Variants in ACACA observed in about 807,000 individuals in gnomAD.
ACACA encodes acetyl-CoA carboxylase 1.
Under a neutral mutation model 296.1 loss-of-function variants are expected in ACACA, and 103 were observed. The ratio of observed to expected loss-of-function variants is 0.35; its 90% CI spans 0.30 to 0.41. The LOEUF (loss-of-function observed/expected upper bound fraction) is 0.41, where lower values mean the gene tolerates loss of function less well. Among genes scored for constraint, ACACA ranks in the 10% least tolerant of loss-of-function variants. The probability of loss-of-function intolerance (pLI) is 1.00; values close to 1 mark genes in which losing one functional copy is unlikely to be tolerated. For synonymous variants in ACACA, 953 were observed against 1,038.6 expected, an observed-to-expected ratio of 0.92 and a Z score of 1.58; for missense variants, 1,554 against 2,989.7, an observed-to-expected ratio of 0.52 and a Z score of 11.20.
intron 45 of ACACA, among the ~76,000 whole-genome samples, chr17:37,139,768 C>A (rs1269485559): frequency 1.3e-5 from 2 of 152,180 alleles, no homozygotes; most frequent in African/African-American, 4.8e-5. Flanking sequence ...TCTCTTGTTT[C>A]TTCTACTTAT....
intron 9 of ACACA, 86 bp from the exon 10 acceptor site, chr17:37,270,947 G>T: frequency 1.1e-6 from 1 of 917,868 alleles, no homozygotes; most frequent in Non-Finnish European, 1.8e-6. Context: ...CTTTAAGAAT[G>T]CAGTCATTTA....
chr17:37,319,583 C>G (rs2047249386), intron 3 of ACACA, among the ~76,000 whole-genome samples: 1 of 151,930 alleles, frequency 6.6e-6, no homozygotes, highest in Non-Finnish European at 1.5e-5. Flanking sequence ...AGCACTTTGA[C>G]AGGTCAAAGT....
intron 16 of ACACA, among the ~76,000 whole-genome samples, chr17:37,251,159 T>C (rs1056044090): frequency 6.6e-6 from 1 of 152,200 alleles, no homozygotes; most frequent in East Asian, 1.9e-4. Context: ...TTAACTAGGT[T>C]ACAGATTATA....
At chr17:37,284,775 A>G in intron 4 of ACACA, 63 bp downstream of exon 4, 1 of 1,608,836 alleles carries the variant, frequency 6.2e-7, no homozygotes, top group East Asian at 2.2e-5. Flanking sequence ...CTAGACAACA[A>G]ATCTAGGCAA....
At chr17:37,163,562 G>A (rs183003298) in intron 41 of ACACA, among the ~76,000 whole-genome samples, 155 of 152,270 alleles carry the variant, frequency 1.0e-3, no homozygotes, top group African/African-American at 3.6e-3. Context: ...CTCACGGACT[G>A]TACACTTTTC....
intron 50 of ACACA, among the ~76,000 whole-genome samples, chr17:37,119,589 AACACACACACACACACACAC>A (rs71368443): frequency 0.029 from 3,764 of 128,452 alleles, 167 homozygotes; most frequent in African/African-American, 0.1. Context: ...TTTTCAACCA[AACACACACACACACACACAC>A]ACACACACAC....
chr17:37,277,961 G>A lies in ACACA; in HGVS notation c.655C>T (p.Pro219Ser). 2 of 1,613,948 alleles carry A rather than the reference G, an allele frequency of 1.2e-6. No individual in the cohort carries two copies. Among genetic ancestry groups the A allele is most frequent in the Non-Finnish European group, 1.7e-6 (2 of 1,179,906 alleles). Residue 219 changes from proline (P) to serine (S), a missense_variant, in exon 6 of 56, where the codon CCA becomes TCA. Pro to Ser is a moderately conservative substitution (Grantham distance 74). Around this residue, in one of 16 missense-constraint regions of ACACA, gnomAD observed 29 missense variants for 90.3 expected, o/e 0.32. Coordinates refer to ENST00000616317, the MANE Select transcript of ACACA (RefSeq NM_198834.3). Reference protein sequence around the residue: ...ADHYVPVPGGPNNNNYANVEL... With the variant: ...ADHYVPVPGGSNNNNYANVEL... Reference sequence around the variant, plus strand: ...ACATTTGCATAGTTGTTGTTGTTTGGTCCTCCAGGCACTGGCACATAGTGA... The same window carrying A: ...ACATTTGCATAGTTGTTGTTGTTTGATCCTCCAGGCACTGGCACATAGTGA...
At chr17:37,331,644 G>A (rs949965158) in intron 2 of ACACA, among the ~76,000 whole-genome samples, 1 of 151,736 alleles carries the variant, frequency 6.6e-6, no homozygotes, top group Non-Finnish European at 1.5e-5. Flanking sequence ...CTGATCTCAT[G>A]ATCCACCCAC....
At chr17:37,185,416 T>TC (rs2077493582) in intron 39 of ACACA, among the ~76,000 whole-genome samples, 4 of 140,474 alleles carry the variant, frequency 2.8e-5, no homozygotes, top group Non-Finnish European at 4.6e-5. Flanking sequence ...TTTTTTTTTT[T>TC]TTTTTTTTTT....
chr17:37,332,637 G>T (rs115493249), intron 2 of ACACA, among the ~76,000 whole-genome samples: 1 of 150,836 alleles, frequency 6.6e-6, no homozygotes, highest in African/African-American at 2.4e-5. Flanking sequence ...TTGGCCGGAC[G>T]CGGTGGCTCA....
chr17:37,210,564 A>T, intron 29 of ACACA, 74 bp from the exon 30 acceptor site: 1 of 1,432,004 alleles, frequency 7.0e-7, no homozygotes, highest in Admixed American at 1.7e-5. Flanking sequence ...CAGAGCAGAT[A>T]TAGACCAGTC....
intron 3 of ACACA, among the ~76,000 whole-genome samples, chr17:37,287,506 C>T (rs2542667): frequency 0.13 from 19,505 of 146,030 alleles, 1,909 homozygotes; most frequent in East Asian, 0.46. Context: ...CCAAGGCAGG[C>T]GGATCACTTG....
chr17:37,397,989 G>T (rs1401585957), intron 1 of ACACA, among the ~76,000 whole-genome samples: 1 of 152,044 alleles, frequency 6.6e-6, no homozygotes, highest in African/African-American at 2.4e-5. Flanking sequence ...CCAGCACTTT[G>T]GGAGGCCGAG....
chr17:37,299,386 A>G, intron 3 of ACACA: 3 of 1,613,358 alleles, frequency 1.9e-6, no homozygotes, highest in Non-Finnish European at 2.5e-6. Flanking sequence ...CCTTGTAAAC[A>G]CAAGCCGCAG....
chr17:37,201,525 T>C (rs554448523), intron 33 of ACACA, among the ~76,000 whole-genome samples: 6 of 144,824 alleles, frequency 4.1e-5, no homozygotes, highest in East Asian at 1.9e-4. Flanking sequence ...TCCTCTTCCC[T>C]ATACTGTTCA....
At chr17:37,127,312 G>A (rs1005553429) in intron 47 of ACACA, among the ~76,000 whole-genome samples, 1 of 152,114 alleles carries the variant, frequency 6.6e-6, no homozygotes, top group African/African-American at 2.4e-5. Flanking sequence ...ACAGGGATTT[G>A]GAACTACAGA....
chr17:37,204,275 G>A (rs543852453), intron 33 of ACACA, among the ~76,000 whole-genome samples: 1 of 152,250 alleles, frequency 6.6e-6, no homozygotes, highest in East Asian at 1.9e-4. Context: ...TGCCTATCCT[G>A]TCCCCTCAAC....
chr17:37,205,549 T>C (rs2078459236), intron 33 of ACACA, among the ~76,000 whole-genome samples: 1 of 152,186 alleles, frequency 6.6e-6, no homozygotes, highest in South Asian at 2.1e-4. Context: ...AAAAACATTT[T>C]AAATATTTGA....
intron 54 of ACACA, among the ~76,000 whole-genome samples, chr17:37,094,583 C>T (rs867891219): frequency 2.8e-5 from 4 of 142,068 alleles, no homozygotes; most frequent in African/African-American, 7.6e-5. Context: ...CCCCCCCCCC[C>T]CCACACCAAA....
Sources: allele counts gnomAD v4.1 joint callset (sites outside exome capture counted in the v4.1 genomes callset), GRCh38; gene constraint gnomAD v4.1.1; regional missense constraint gnomAD v4.1.1; transcripts MANE v1.5; gene names NCBI Gene and HGNC (gene_info 2026-07-23, HGNC 2026-07-21).